The following DROSHA variants were observed in gnomAD, a reference collection of about 807,000 sequenced individuals.
DROSHA encodes the protein ribonuclease 3.
A neutral mutation model predicts 181.9 loss-of-function variants in DROSHA; 56 were observed. The observed-to-expected ratio is 0.31, with a 90% CI of 0.25 to 0.38. The LOEUF (loss-of-function observed/expected upper bound fraction) is 0.38. Among genes scored for constraint, DROSHA ranks in the 10% least tolerant of loss-of-function variants. DROSHA has a pLI of 1.00. For synonymous variants in DROSHA, 524 were observed against 591.2 expected (o/e 0.89, Z 1.65); for missense variants, 1,218 against 1,743.5 (o/e 0.70, Z 5.37).
Position 31,506,539 on chromosome 5 carries a change from G to A in DROSHA, c.1588-1904C>T, listed in dbSNP as rs568162382. The stretch of plus-strand genomic sequence containing the variant: ...CTAAAAATACAAAAATTAGCTGGGC[G>A]TGGTGGTGCAAGCCTGTAGTCACAG... On this transcript the variant is annotated intron_variant, in intron 10 of 35. Coordinates refer to ENST00000344624, the MANE Select transcript of DROSHA (RefSeq NM_001382508.1). Among the ~76,000 whole-genome samples, 110 of 152,002 alleles carry A rather than the reference G, an allele frequency of 7.2e-4. No individual in the cohort carries two copies. The South Asian group carries it at 0.019, about 26-fold the overall frequency.
At chr5:31,425,986 C>T (rs1413505904) in intron 27 of DROSHA, among the ~76,000 whole-genome samples, 1 of 152,138 alleles carries the variant, frequency 6.6e-6, no homozygotes, top group Non-Finnish European at 1.5e-5. Flanking sequence ...ACAACAACAA[C>T]AATGATAAAG....
At chr5:31,483,415 A>T in intron 16 of DROSHA, 139 bp downstream of exon 16, 1 of 783,122 alleles carries the variant, frequency 1.3e-6, no homozygotes, top group East Asian at 2.7e-5. Context: ...ATAATTTTAC[A>T]TTTCCGTGCC....
At chr5:31,453,657 C>G (rs1747298859) in intron 20 of DROSHA, among the ~76,000 whole-genome samples, 1 of 152,084 alleles carries the variant, frequency 6.6e-6, no homozygotes, top group Admixed American at 6.6e-5. Context: ...TTCCTTTAAC[C>G]TTTTCTCATG....
intron 13 of DROSHA, 123 bp from the exon 14 acceptor site, chr5:31,486,685 G>A (rs945812412): frequency 4.0e-5 from 29 of 717,732 alleles, no homozygotes; most frequent in Non-Finnish European, 5.9e-5. Context: ...TCATCTCAGC[G>A]GCTAACAACA....
rs533688993 is a variant in DROSHA at position 31,463,376 on chromosome 5, A to T, written c.2574+860T>A. On this transcript the variant is annotated intron_variant, in intron 20 of 35. Transcript: ENST00000344624. Reference sequence around the variant, plus strand: ...AATTAAAAGCCAACACTGATTTTTTAAAAAATTCATTATGATGAAATGAAC... The same window carrying T: ...AATTAAAAGCCAACACTGATTTTTTTAAAAATTCATTATGATGAAATGAAC... Among the ~76,000 whole-genome samples, 32 of 152,308 alleles carry T rather than the reference A, an allele frequency of 2.1e-4. 1 individual carries two copies. In the South Asian group the frequency reaches 3.1e-3, roughly 15 times the overall value.
intron 23 of DROSHA, among the ~76,000 whole-genome samples, chr5:31,447,596 T>G (rs888715474): frequency 1.3e-5 from 2 of 152,182 alleles, no homozygotes; most frequent in Admixed American, 1.3e-4. Flanking sequence ...AAAAAAATTT[T>G]TGCAAATCTG....
intron 20 of DROSHA, among the ~76,000 whole-genome samples, chr5:31,461,560 G>A (rs973991517): frequency 1.3e-5 from 2 of 152,068 alleles, no homozygotes; most frequent in African/African-American, 4.8e-5. Context: ...CATAGTCAGT[G>A]GTTTATTTAT....
rs995839539 is a variant in DROSHA, at chr5:31,515,461, C to T, written c.1051G>A (p.Val351Met). The stretch of plus-strand genomic sequence containing the variant: ...CACCCCAGATCTACTTACTGATTCA[C>T]AATCTCCAGGGGTGGGGCCCAAGAA... The part of the protein sequence containing the change: ...TDSWAPPLEI[V>M]NHRSPSREKK... Residue 351 changes from valine (V) to methionine (M), a missense_variant, in exon 7 of 36, where the codon GTG becomes ATG. Val to Met is a conservative substitution (Grantham distance 21). Around this residue, in one of 8 missense-constraint regions of DROSHA, gnomAD observed 536 missense variants for 535.4 expected, o/e 1.00. Transcript: ENST00000344624. 2.5e-5 allele frequency: 33 copies of T among 1,343,058 alleles called. No homozygotes were observed. Among genetic ancestry groups the T allele is most frequent in the Non-Finnish European group, 3.1e-5 (30 of 956,358 alleles). The allele number at this position is 1,343,058 out of a possible 1,614,324, so 83.2% of individuals were successfully genotyped here. A position where few individuals can be genotyped will look rare whatever the true frequency, so the allele number is the denominator to read the frequency against.
intron 13 of DROSHA, among the ~76,000 whole-genome samples, chr5:31,488,723 C>T (rs1752070607): frequency 6.6e-6 from 1 of 152,076 alleles, no homozygotes; most frequent in Non-Finnish European, 1.5e-5. Flanking sequence ...TCAGATGAGA[C>T]ACTGTGGAAA....
intron 11 of DROSHA, among the ~76,000 whole-genome samples, chr5:31,501,726 T>C (rs1753594340): frequency 6.6e-6 from 1 of 152,202 alleles, no homozygotes; most frequent in African/African-American, 2.4e-5. Flanking sequence ...GCAACTGATT[T>C]GGTGAATGGG....
chr5:31,446,383 T>C (rs543035021), intron 23 of DROSHA, among the ~76,000 whole-genome samples: 16 of 139,702 alleles, frequency 1.1e-4, no homozygotes, highest in South Asian at 4.5e-4. Flanking sequence ...GGAGGTAGAG[T>C]TTGCAGTGAG....
intron 19 of DROSHA, among the ~76,000 whole-genome samples, chr5:31,465,889 A>G (rs889300884): frequency 6.6e-6 from 1 of 152,172 alleles, no homozygotes; most frequent in Non-Finnish European, 1.5e-5. Flanking sequence ...CTTCTTGTAC[A>G]GCCTGCAGAA....
chr5:31,408,242 T>C (rs981675420), intron 33 of DROSHA, among the ~76,000 whole-genome samples: 6 of 152,220 alleles, frequency 3.9e-5, no homozygotes, highest in Non-Finnish European at 8.8e-5. Context: ...CACACACAGA[T>C]GTGTGTGCTT....
chr5:31,529,052 T>C lies in DROSHA; in HGVS notation c.8A>G (p.Gln3Arg), dbSNP rs576224164. Reference sequence around the variant, plus strand: ...TCACGGCACTCACCATGTGTTTCCCTGCATCATGATGTTCCGCCTGGATAT... The same window carrying C: ...TCACGGCACTCACCATGTGTTTCCCCGCATCATGATGTTCCGCCTGGATAT... MMQGNTCHRMSFH... is the reference protein window; with the variant it reads MMRGNTCHRMSFH... The change falls in exon 4 of 36, where the codon CAG becomes CGG. Residue 3 changes from glutamine (Q) to arginine (R), a missense_variant. Physicochemically the swap from Gln to Arg is conservative, Grantham distance 43. Around this residue, in one of 8 missense-constraint regions of DROSHA, gnomAD observed 536 missense variants for 535.4 expected, o/e 1.00. Coordinates refer to ENST00000344624, the MANE Select transcript of DROSHA (RefSeq NM_001382508.1). The C allele has an allele frequency of 1.2e-6, 2 of 1,613,284 alleles. No homozygotes were observed. The highest frequency in any genetic ancestry group is 1.1e-5 in the South Asian group (1 of 90,686).
At position 31,526,117 on chromosome 5, in the gene DROSHA, C is replaced by T. The variant is rs914442896; in HGVS notation, c.816G>A (p.Gly272=). ...DSRYRSDYDR[G]RTPSRHRSYE... Reference sequence around the variant, plus strand: ...AGCTGCGGTGGCGAGATGGTGTTCTCCCTCGGTCATAATCAGATCTGTACC... The same window carrying T: ...AGCTGCGGTGGCGAGATGGTGTTCTTCCTCGGTCATAATCAGATCTGTACC... Residue 272 remains glycine (G), a synonymous_variant, in exon 5 of 36, where the codon GGG becomes GGA. Coordinates refer to ENST00000344624, the MANE Select transcript of DROSHA (RefSeq NM_001382508.1). The T allele has an allele frequency of 1.2e-6, 2 of 1,604,556 alleles. No homozygotes were observed. Among genetic ancestry groups the T allele is most frequent in the African/African-American group, 1.3e-5 (1 of 74,880 alleles).
At chr5:31,518,130 T>C (rs1369945887) in intron 6 of DROSHA, among the ~76,000 whole-genome samples, 1 of 135,198 alleles carries the variant, frequency 7.4e-6, no homozygotes, top group Non-Finnish European at 1.6e-5. Context: ...GCTACTAGGC[T>C]ACAAACCTGT....
chr5:31,512,240 G>A (rs936400447), intron 8 of DROSHA, among the ~76,000 whole-genome samples: 5 of 152,182 alleles, frequency 3.3e-5, no homozygotes, highest in African/African-American at 9.7e-5. Flanking sequence ...TGGCGATGCC[G>A]GTATAGCTTT....
At chr5:31,425,458 T>C (rs1743346176) in intron 27 of DROSHA, among the ~76,000 whole-genome samples, 1 of 152,190 alleles carries the variant, frequency 6.6e-6, no homozygotes, top group Non-Finnish European at 1.5e-5. Context: ...TTATATTGAT[T>C]GTTCTTACCT....
chr5:31,488,525 AAAG>A (rs1478167431), intron 13 of DROSHA, among the ~76,000 whole-genome samples: 3 of 152,018 alleles, frequency 2.0e-5, no homozygotes, highest in African/African-American at 7.2e-5. Flanking sequence ...GGAGCTGAGG[AAAG>A]AAGTAGTAAT....
Sources: gnomAD v4.1 joint callset for allele counts (sites outside exome capture counted in the v4.1 genomes callset) on GRCh38, gnomAD v4.1.1 for gene constraint, gnomAD v4.1.1 regional missense constraint, MANE v1.5 for transcripts, NCBI Gene and HGNC (gene_info 2026-07-23, HGNC 2026-07-21) for gene names.